PAICS: variants seen among roughly 807,000 people sequenced by gnomAD.
PAICS encodes bifunctional phosphoribosylaminoimidazole carboxylase/phosphoribosylaminoimidazole succinocarboxamide synthetase.
Under a neutral mutation model 53.7 loss-of-function variants are expected in PAICS, and 33 were observed. The observed-to-expected ratio is 0.61, with a 90% CI of 0.47 to 0.82. PAICS has a LOEUF of 0.82. Among genes scored for constraint, PAICS ranks in the 40% least tolerant of loss-of-function variants. The pLI, the probability that PAICS is intolerant of heterozygous loss-of-function variation, is 0.00. For synonymous variants in PAICS, 141 were observed against 167.2 expected (o/e 0.84, Z 1.21); for missense variants, 394 against 494.1 (o/e 0.80, Z 1.92).
the PAICS span, among the ~76,000 whole-genome samples, chr4:56,413,917 A>C: frequency 6.6e-6 from 1 of 152,198 alleles, no homozygotes; most frequent in Non-Finnish European, 1.5e-5. Flanking sequence ...AAATTAAATA[A>C]ATAATTAACG....
rs757076250 is a variant in PAICS at position 56,446,832 on chromosome 4, G to A, written c.352G>A (p.Gly118Arg). Reference protein sequence around the residue: ...FLKRNPGVKEGYKFYPPKVEL... With the variant: ...FLKRNPGVKERYKFYPPKVEL... The stretch of plus-strand genomic sequence containing the variant: ...CAAAAGAAATCCTGGTGTCAAGGAA[G>A]GATATAAGTTTTACCCACCTAAAGT... The change falls in exon 3 of 9, where the codon GGA (glycine) becomes AGA (arginine). Residue 118 changes from glycine to arginine, a missense_variant. Physicochemically the swap from Gly to Arg is moderately radical, Grantham distance 125 (BLOSUM62 -2). Transcript: ENST00000512576. 5 of 1,610,344 alleles carry A rather than the reference G, an allele frequency of 3.1e-6. No individual in the cohort carries two copies. Among genetic ancestry groups the A allele is most frequent in the Admixed American group, 1.7e-5 (1 of 59,588 alleles).
intron 8 of PAICS, among the ~76,000 whole-genome samples, chr4:56,457,702 G>A (rs1230498831): frequency 8.1e-6 from 1 of 123,282 alleles, no homozygotes; most frequent in East Asian, 2.4e-4. Flanking sequence ...TTTCGCTCCT[G>A]TTGCCCAGGC....
At chr4:56,454,621 C>T (rs1219792816) in intron 8 of PAICS, among the ~76,000 whole-genome samples, 4 of 151,736 alleles carry the variant, frequency 2.6e-5, no homozygotes, top group East Asian at 1.9e-4. Flanking sequence ...AACAATTCAT[C>T]CTCCCTTTTT....
intron 8 of PAICS, among the ~76,000 whole-genome samples, chr4:56,456,516 C>T (rs1258045443): frequency 3.9e-5 from 6 of 152,138 alleles, no homozygotes; most frequent in Admixed American, 1.3e-4. Context: ...TCATGTGATC[C>T]GCCCACCTCA....
upstream of PAICS, among the ~76,000 whole-genome samples, chr4:56,435,175 C>T (rs1717831286): frequency 6.6e-6 from 1 of 152,206 alleles, no homozygotes; most frequent in Non-Finnish European, 1.5e-5. Context: ...TTCATGGAAG[C>T]GAGGTGCCCC....
At position 56,459,585 on chromosome 4, in the gene PAICS, A is replaced by C. The variant is rs770809983; in HGVS notation, c.*47A>C. ...TTAGGGGAAAAACTACAAATTTCTA[A>C]TTTAGCTGAAGGAAAATCAAGCAAG... On this transcript the variant is annotated 3_prime_UTR_variant, in exon 9 of 9. Transcript: ENST00000512576. The C allele has an allele frequency of 7.2e-7, 1 of 1,383,106 alleles. No homozygotes were observed. Among genetic ancestry groups the C allele is most frequent in the Non-Finnish European group, 9.9e-7 (1 of 1,009,370 alleles). The allele number at this position is 1,383,106 out of a possible 1,614,324, so 85.7% of individuals were successfully genotyped here. A position where few individuals can be genotyped will look rare whatever the true frequency, so the allele number is the denominator to read the frequency against.
At chr4:56,436,418 G>A in intron 1 of PAICS, 90 bp downstream of exon 1, 1 of 1,083,858 alleles carries the variant, frequency 9.2e-7, no homozygotes, top group Non-Finnish European at 1.4e-6. Flanking sequence ...ACTCTGTCCC[G>A]CCTCCCTGCA....
At chr4:56,414,819 C>G in the PAICS span, among the ~76,000 whole-genome samples, 2 of 152,180 alleles carry the variant, frequency 1.3e-5, no homozygotes, top group East Asian at 1.9e-4. Context: ...AAAGGTAATT[C>G]TTACATAACT....
chr4:56,419,552 C>A, the PAICS span: 1 of 439,228 alleles, frequency 2.3e-6, no homozygotes, highest in Non-Finnish European at 3.0e-6. Context: ...ATGTTGCATC[C>A]AATTATTTAC....
At chr4:56,439,018 T>C (rs1474497818) in intron 1 of PAICS, among the ~76,000 whole-genome samples, 2 of 152,140 alleles carry the variant, frequency 1.3e-5, no homozygotes, top group East Asian at 1.9e-4. Flanking sequence ...ATCTACAAAT[T>C]TGTAGCAACC....
chr4:56,413,660 T>C, the PAICS span, among the ~76,000 whole-genome samples: 2 of 151,580 alleles, frequency 1.3e-5, no homozygotes, highest in African/African-American at 2.4e-5. Flanking sequence ...CTTTGGGAGG[T>C]TGAGGCAGGT....
the PAICS span, among the ~76,000 whole-genome samples, chr4:56,425,832 A>T: frequency 2.6e-5 from 4 of 152,220 alleles, no homozygotes; most frequent in African/African-American, 9.7e-5. Flanking sequence ...ATCACATCAT[A>T]AAAACTCTGG....
At chr4:56,412,384 T>C in the PAICS span, among the ~76,000 whole-genome samples, 2 of 151,848 alleles carry the variant, frequency 1.3e-5, no homozygotes, top group African/African-American at 4.8e-5. Flanking sequence ...TCTTGGCTCA[T>C]TGCTGCCTCA....
At chr4:56,435,750 C>A (rs1717886784), upstream of PAICS, 1 of 1,488,970 alleles carries the variant, frequency 6.7e-7, no homozygotes, top group Non-Finnish European at 8.9e-7. Context: ...TAGGGTGGAG[C>A]TAGCCTTCCC....
intron 6 of PAICS, among the ~76,000 whole-genome samples, chr4:56,451,416 T>A (rs1017714108): frequency 2.6e-5 from 4 of 152,308 alleles, no homozygotes; most frequent in African/African-American, 9.6e-5. Flanking sequence ...GGTTTGTGAT[T>A]ATGCAAGGGT....
the PAICS span, among the ~76,000 whole-genome samples, chr4:56,419,295 A>G: frequency 1.3e-5 from 2 of 152,240 alleles, no homozygotes; most frequent in African/African-American, 4.8e-5. Context: ...ACACATTTAT[A>G]TATTGAACTT....
At chr4:56,446,372 C>A in intron 2 of PAICS, 2 of 717,916 alleles carry the variant, frequency 2.8e-6, no homozygotes, top group South Asian at 3.0e-5. Context: ...TCATATAAGT[C>A]AAATCGTAAG....
At position 56,460,645 on chromosome 4, in the gene PAICS, TC is replaced by T. The variant is rs1370599547; in HGVS notation, c.*1110del. ...ACAGATTTCATTGGTTCTTGGGTTCTCCCGAAGCCTATCCATGGTTTATAGA... is the reference window on the plus strand; with the variant it reads ...ACAGATTTCATTGGTTCTTGGGTTCTCCGAAGCCTATCCATGGTTTATAGA... On this transcript the variant is annotated 3_prime_UTR_variant, in exon 9 of 9. Transcript: ENST00000512576. The T allele has an allele frequency of 6.6e-6, 1 of 152,226 alleles. No homozygotes were observed. Among genetic ancestry groups the T allele is most frequent in the African/African-American group, 2.4e-5 (1 of 41,446 alleles). 9.4% of individuals were successfully genotyped at this position (152,226 alleles called of 1,614,324 possible). A position where few individuals can be genotyped will look rare whatever the true frequency, so the allele number is the denominator to read the frequency against.
chr4:56,447,213 G>A (rs1718668482), intron 3 of PAICS, among the ~76,000 whole-genome samples: 1 of 151,770 alleles, frequency 6.6e-6, no homozygotes, highest in Non-Finnish European at 1.5e-5. Context: ...AATGTCTCTT[G>A]TAAGTGAAAA....
Sources: gnomAD v4.1 joint callset for allele counts (sites outside exome capture counted in the v4.1 genomes callset) on GRCh38, gnomAD v4.1.1 for gene constraint, MANE v1.5 for transcripts, NCBI Gene and HGNC (gene_info 2026-07-23, HGNC 2026-07-21) for gene names.